The following SH3BP5 variants were observed in gnomAD, a reference collection of about 807,000 sequenced individuals.
The protein encoded by SH3BP5 is SH3 domain-binding protein 5.
In SH3BP5, 22 loss-of-function variants were observed where a neutral mutation model predicts 43.3. The ratio of observed to expected loss-of-function variants is 0.51; its 90% confidence interval spans 0.36 to 0.73. The LOEUF is 0.73. Among genes scored for constraint, SH3BP5 ranks in the 30% least tolerant of loss-of-function variants. The pLI is 0.00. For synonymous variants in SH3BP5, 255 were observed against 225.8 expected (o/e 1.13, Z -1.16); for missense variants, 529 against 586.9 (o/e 0.90, Z 1.02).
chr3:15,307,094 C>T (rs761167412), intron 2 of SH3BP5, among the ~76,000 whole-genome samples: 23 of 152,222 alleles, frequency 1.5e-4, no homozygotes, highest in East Asian at 1.2e-3. Context: ...AAAACGCCGC[C>T]GGCATTCCAA....
chr3:15,286,129 G>A (rs1697258861), intron 3 of SH3BP5, among the ~76,000 whole-genome samples: 1 of 152,260 alleles, frequency 6.6e-6, no homozygotes, highest in Non-Finnish European at 1.5e-5. Context: ...CAGGCTATCA[G>A]AAACAGCATC....
At position 15,290,171 on chromosome 3, in the gene SH3BP5, G is replaced by A. The variant is rs190073957; in HGVS notation, c.330+13932C>T. Among the ~76,000 whole-genome samples the A allele has an allele frequency of 1.2e-3, 188 of 152,144 alleles. 1 individual carries two copies. Among genetic ancestry groups the A allele is most frequent in the African/African-American group, 3.7e-3 (154 of 41,470 alleles). The stretch of plus-strand genomic sequence containing the variant: ...AATCCCAGCACTTTGGGAGGTCAAG[G>A]CAGTTGAGGTCAGGAGTTTGAGACC... On this transcript the variant is annotated intron_variant, in intron 3 of 8. Transcript: ENST00000383791.
intron 2 of SH3BP5, among the ~76,000 whole-genome samples, chr3:15,308,477 G>C (rs17040980): frequency 0.028 from 4,229 of 152,276 alleles, 71 homozygotes; most frequent in South Asian, 0.08. Context: ...TACACACGTT[G>C]AGCAACAGAC....
chr3:15,324,313 G>A (rs548020910), intron 2 of SH3BP5, among the ~76,000 whole-genome samples: 13 of 152,258 alleles, frequency 8.5e-5, no homozygotes, highest in Admixed American at 7.2e-4. Context: ...GACTCTCCTA[G>A]AATCCCCCTC....
At chr3:15,332,710 C>G (rs1575360916), upstream of SH3BP5, 2 of 1,066,644 alleles carry the variant, frequency 1.9e-6, no homozygotes, top group Non-Finnish European at 1.1e-6. Flanking sequence ...TCGCAAAACC[C>G]CAGCTCCCTC....
At chr3:15,299,966 A>G (rs1392134386) in intron 3 of SH3BP5, among the ~76,000 whole-genome samples, 1 of 152,172 alleles carries the variant, frequency 6.6e-6, no homozygotes, top group Non-Finnish European at 1.5e-5. Flanking sequence ...CAGTACAAAT[A>G]ACTTTTTGCT....
At chr3:15,308,269 G>A (rs563301983) in intron 2 of SH3BP5, among the ~76,000 whole-genome samples, 1 of 152,334 alleles carries the variant, frequency 6.6e-6, no homozygotes, top group South Asian at 2.1e-4. Flanking sequence ...ACTGCTATGT[G>A]GCAGGCACTA....
intron 4 of SH3BP5, among the ~76,000 whole-genome samples, chr3:15,267,803 C>G (rs890337490): frequency 1.1e-4 from 17 of 152,102 alleles, no homozygotes; most frequent in African/African-American, 3.9e-4. Flanking sequence ...CCACTGGGGC[C>G]CTGGGACTTA....
In SH3BP5 at chr3:15,255,043, A is replaced by G. The variant is rs1696143756; in HGVS notation, c.*1043T>C. On this transcript the variant is annotated 3_prime_UTR_variant, in exon 9 of 9. Coordinates refer to ENST00000383791, the MANE Select transcript of SH3BP5 (RefSeq NM_004844.5). ...TGCTTTTTTCTTTTAGAAATGCTAAATTTTCTTAACAAGACAAAAATACAG... is the reference window on the plus strand; with the variant it reads ...TGCTTTTTTCTTTTAGAAATGCTAAGTTTTCTTAACAAGACAAAAATACAG... 2 of 152,538 alleles carry G rather than the reference A, an allele frequency of 1.3e-5. No individual in the cohort carries two copies. The highest frequency in any genetic ancestry group is 2.4e-5 in the African/African-American group (1 of 41,446). The allele number at this position is 152,538 out of a possible 1,614,324, so 9.4% of individuals were successfully genotyped here.
At chr3:15,300,687 T>C (rs755719525) in intron 3 of SH3BP5, among the ~76,000 whole-genome samples, 42 of 152,112 alleles carry the variant, frequency 2.8e-4, no homozygotes, top group Non-Finnish European at 5.3e-4. Flanking sequence ...GCCTCAGCCT[T>C]TGAACATCCT....
At chr3:15,308,532 G>C (rs1697971390) in intron 2 of SH3BP5, among the ~76,000 whole-genome samples, 1 of 152,146 alleles carries the variant, frequency 6.6e-6, no homozygotes, top group South Asian at 2.1e-4. Context: ...CATGAAGAAA[G>C]AGGATTCCAC....
intron 5 of SH3BP5, 144 bp downstream of exon 5, chr3:15,262,015 T>C (rs1696461237): frequency 1.2e-6 from 1 of 849,304 alleles, no homozygotes; most frequent in Non-Finnish European, 1.8e-6. Flanking sequence ...AAAGAGAGCC[T>C]GAGCAGGGGG....
intron 3 of SH3BP5, among the ~76,000 whole-genome samples, chr3:15,271,828 G>C (rs1183954502): frequency 2.6e-5 from 4 of 152,142 alleles, no homozygotes; most frequent in African/African-American, 9.7e-5. Context: ...GCCATGTGAT[G>C]GCAGCTGTGT....
chr3:15,314,688 C>G (rs1448767738), intron 2 of SH3BP5, among the ~76,000 whole-genome samples: 1 of 152,152 alleles, frequency 6.6e-6, no homozygotes, highest in African/African-American at 2.4e-5. Context: ...AACTAGAAGA[C>G]CCAGGTGAAA....
chr3:15,326,680 C>T (rs1285607901), intron 2 of SH3BP5, among the ~76,000 whole-genome samples: 1 of 152,226 alleles, frequency 6.6e-6, no homozygotes, highest in Non-Finnish European at 1.5e-5. Context: ...CTGCCTCCTG[C>T]TTTCAGTGCC....
At chr3:15,326,188 C>A (rs1376638538) in intron 2 of SH3BP5, among the ~76,000 whole-genome samples, 1 of 152,158 alleles carries the variant, frequency 6.6e-6, no homozygotes, top group African/African-American at 2.4e-5. Context: ...GGGGACCCAG[C>A]ACTGTTCAAA....
chr3:15,337,311 C>T (rs889843545), upstream of SH3BP5, among the ~76,000 whole-genome samples: 4 of 151,906 alleles, frequency 2.6e-5, no homozygotes, highest in African/African-American at 9.7e-5. Context: ...TCTTGAACTC[C>T]TGATCCACCC....
chr3:15,285,254 GATAA>G (rs746512422), intron 3 of SH3BP5, among the ~76,000 whole-genome samples: 1 of 152,192 alleles, frequency 6.6e-6, no homozygotes. Context: ...CCTGCAATTA[GATAA>G]ATGTCTATCT....
chr3:15,330,130 AG>A (rs1433904846), intron 2 of SH3BP5, among the ~76,000 whole-genome samples: 1 of 152,276 alleles, frequency 6.6e-6, no homozygotes, highest in Non-Finnish European at 1.5e-5. Flanking sequence ...GACAAATGGC[AG>A]GAACTGCCCT....
Sources: allele counts gnomAD v4.1 joint callset (sites outside exome capture counted in the v4.1 genomes callset), GRCh38; gene constraint gnomAD v4.1.1; transcripts MANE v1.5; gene names NCBI Gene and HGNC (gene_info 2026-07-23, HGNC 2026-07-21).